Variants in VPS13B observed in about 807,000 individuals in gnomAD.
VPS13B encodes the protein intermembrane lipid transfer protein VPS13B.
In VPS13B, 285 loss-of-function variants were observed where a neutral mutation model predicts 426.4. The observed-to-expected ratio is 0.67, with a 90% CI of 0.61 to 0.74. The LOEUF is 0.74. VPS13B is among the 30% of genes least tolerant of loss of function. The pLI is 0.00. For missense variants in VPS13B, 4,537 were observed against 4,782.6 expected (o/e 0.95, Z 1.51); for synonymous variants, 1,676 against 1,676.4 (o/e 1.00, Z 0.01).
At chr8:99,635,205 TAGATA>T (rs1829022570) in intron 33 of VPS13B, among the ~76,000 whole-genome samples, 1 of 152,148 alleles carries the variant, frequency 6.6e-6, no homozygotes, top group South Asian at 2.1e-4. Context: ...CTGTATTTGT[TAGATA>T]AGATGTTAAC....
At chr8:99,767,385 T>A (rs1811278678) in intron 40 of VPS13B, among the ~76,000 whole-genome samples, 1 of 150,520 alleles carries the variant, frequency 6.6e-6, no homozygotes, top group African/African-American at 2.4e-5. Context: ...TAAAAAAAAA[T>A]TGAATTGTCT....
intron 34 of VPS13B, among the ~76,000 whole-genome samples, chr8:99,647,999 C>G (rs769699842): frequency 8.7e-4 from 133 of 152,326 alleles, no homozygotes; most frequent in Non-Finnish European, 1.4e-3. Flanking sequence ...ACCAAGGTGA[C>G]TACTTTAATC....
At chr8:99,119,236 T>G (rs928113952) in intron 7 of VPS13B, 8 of 152,184 alleles carry the variant, frequency 5.3e-5, no homozygotes, top group African/African-American at 1.4e-4. Flanking sequence ...TTTATTTTAC[T>G]TTATGTATTT....
intron 21 of VPS13B, among the ~76,000 whole-genome samples, chr8:99,416,211 A>G (rs757797085): frequency 1.3e-5 from 2 of 152,090 alleles, no homozygotes; most frequent in African/African-American, 4.8e-5. Context: ...CTTTGTTTAC[A>G]CTGTGTGGGG....
At chr8:99,024,280 G>C (rs1421555492) in intron 2 of VPS13B, among the ~76,000 whole-genome samples, 1 of 152,234 alleles carries the variant, frequency 6.6e-6, no homozygotes, top group African/African-American at 2.4e-5. Flanking sequence ...GAGCGTGTTT[G>C]TGTGTGCATG....
At chr8:99,508,917 AC>A (rs2133630034) in intron 28 of VPS13B, among the ~76,000 whole-genome samples, 1 of 152,146 alleles carries the variant, frequency 6.6e-6, no homozygotes, top group South Asian at 2.1e-4. Context: ...TAAAAAAAAA[AC>A]ACCCTTTCTT....
At position 99,861,959 on chromosome 8, in the gene VPS13B, G is replaced by A. The variant is rs370691974; in HGVS notation, c.11215+13G>A. 133 of 1,574,260 alleles carry A rather than the reference G, an allele frequency of 8.4e-5. No homozygotes were observed. In the Admixed American group the frequency reaches 1.1e-3, roughly 12 times the overall value. On this transcript the variant is annotated intron_variant, in intron 58 of 61. Transcript: ENST00000357162. The stretch of plus-strand genomic sequence containing the variant: ...ATCAGCCTGCTTGGTAAGGGGCTGC[G>A]GGGCCTCCCACCTGTCTGTACTCCA...
intron 23 of VPS13B, among the ~76,000 whole-genome samples, chr8:99,443,416 T>TTC (rs1377219507): frequency 6.6e-6 from 1 of 152,168 alleles, no homozygotes; most frequent in Non-Finnish European, 1.5e-5. Flanking sequence ...TGATGTTGAT[T>TTC]TCTCTCTCCT....
intron 40 of VPS13B, among the ~76,000 whole-genome samples, chr8:99,773,229 A>G (rs1811598032): frequency 6.6e-6 from 1 of 152,332 alleles, no homozygotes; most frequent in South Asian, 2.1e-4. Context: ...GCATAATACT[A>G]TAGTATAAAT....
At chr8:99,483,654 GGAGAGT>G (rs1820157672) in intron 25 of VPS13B, among the ~76,000 whole-genome samples, 4 of 152,272 alleles carry the variant, frequency 2.6e-5, no homozygotes, top group Admixed American at 2.6e-4. Flanking sequence ...GTGGCTGAAA[GGAGAGT>G]GTTCCATTAA....
chr8:99,715,393 TTCAC>T (rs1200898333), intron 36 of VPS13B, among the ~76,000 whole-genome samples: 1 of 152,196 alleles, frequency 6.6e-6, no homozygotes, highest in African/African-American at 2.4e-5. Flanking sequence ...GATCTTCTCT[TTCAC>T]TCACTCATAT....
At chr8:99,840,428 T>C (rs1453172128) in intron 54 of VPS13B, among the ~76,000 whole-genome samples, 1 of 152,226 alleles carries the variant, frequency 6.6e-6, no homozygotes, top group Non-Finnish European at 1.5e-5. Context: ...ATCTAACATA[T>C]TAAGTATTCC....
chr8:99,814,774 A>G (rs1378579806), intron 44 of VPS13B, among the ~76,000 whole-genome samples: 1 of 152,216 alleles, frequency 6.6e-6, no homozygotes, highest in Admixed American at 6.5e-5. Flanking sequence ...GTTTTTAACA[A>G]TAAGAGGAAA....
At chr8:99,062,919 A>G (rs1844269349) in intron 3 of VPS13B, among the ~76,000 whole-genome samples, 1 of 152,240 alleles carries the variant, frequency 6.6e-6, no homozygotes, top group African/African-American at 2.4e-5. Context: ...GAGGATTGCA[A>G]CTACAAAATA....
At chr8:99,834,541 T>TTA (rs1554574762) in intron 52 of VPS13B, among the ~76,000 whole-genome samples, 11 of 144,634 alleles carry the variant, frequency 7.6e-5, no homozygotes, top group Non-Finnish European at 1.4e-4. Flanking sequence ...TTATTTTTAT[T>TTA]TTTTATTTTT....
chr8:99,809,927 C>T (rs973255690), intron 44 of VPS13B, among the ~76,000 whole-genome samples: 15 of 152,076 alleles, frequency 9.9e-5, no homozygotes, highest in African/African-American at 3.4e-4. Flanking sequence ...TTCTCATGCA[C>T]GTGAGAATGA....
At chr8:99,163,989 A>G (rs1811844103) in intron 15 of VPS13B, among the ~76,000 whole-genome samples, 1 of 152,140 alleles carries the variant, frequency 6.6e-6, no homozygotes, top group Admixed American at 6.5e-5. Context: ...GGACACCCCA[A>G]TTGCTGTTGG....
At chr8:99,292,648 C>G (rs1013328351) in intron 19 of VPS13B, among the ~76,000 whole-genome samples, 2 of 152,040 alleles carry the variant, frequency 1.3e-5, no homozygotes, top group South Asian at 4.1e-4. Context: ...CTACTTTGCT[C>G]AGGTTTATCC....
At chr8:99,434,825 C>T (rs1477750952) in intron 22 of VPS13B, among the ~76,000 whole-genome samples, 1 of 152,186 alleles carries the variant, frequency 6.6e-6, no homozygotes, top group Non-Finnish European at 1.5e-5. Flanking sequence ...TCACCAGTCT[C>T]AGCTGTCATG....
Sources: gnomAD v4.1 joint callset for allele counts (sites outside exome capture counted in the v4.1 genomes callset) on GRCh38, gnomAD v4.1.1 for gene constraint, MANE v1.5 for transcripts, NCBI Gene and HGNC (gene_info 2026-07-23, HGNC 2026-07-21) for gene names.